Variants in PTPRD observed in about 807,000 individuals in gnomAD.
PTPRD encodes the protein receptor-type tyrosine-protein phosphatase delta.
In PTPRD, 34 loss-of-function variants were observed where a neutral mutation model predicts 214.5. The observed-to-expected ratio is 0.16, with a 90% CI of 0.12 to 0.21. The LOEUF (loss-of-function observed/expected upper bound fraction) is 0.21. PTPRD is among the 10% of genes least tolerant of loss of function. The pLI, the probability that PTPRD is intolerant of heterozygous loss-of-function variation, is 1.00. For missense variants in PTPRD, 2,545 were observed against 2,398.7 expected, an observed-to-expected ratio of 1.06 and a Z score of -1.27; for synonymous variants, 1,128 against 845.7, an observed-to-expected ratio of 1.33 and a Z score of -5.79.
intron 35 of PTPRD, among the ~76,000 whole-genome samples, chr9:8,435,695 C>A: frequency 1.7e-5 from 2 of 118,264 alleles, no homozygotes; most frequent in South Asian, 6.5e-4. Context: ...ACCACAATAT[C>A]CAAATACACA....
chr9:10,132,039 T>C (rs1026697542), intron 3 of PTPRD, among the ~76,000 whole-genome samples: 7 of 152,128 alleles, frequency 4.6e-5, no homozygotes, highest in Admixed American at 1.3e-4. Context: ...GTGATAAAAG[T>C]AGACAATGAT....
chr9:9,308,251 A>G (rs1331203932), intron 9 of PTPRD, among the ~76,000 whole-genome samples: 1 of 152,180 alleles, frequency 6.6e-6, no homozygotes, highest in African/African-American at 2.4e-5. Flanking sequence ...CAGAACTCAT[A>G]TTCATTTTCA....
intron 5 of PTPRD, among the ~76,000 whole-genome samples, chr9:9,893,423 G>A (rs2074022981): frequency 6.6e-6 from 1 of 151,994 alleles, no homozygotes; most frequent in Admixed American, 6.6e-5. Context: ...AAAATAATGA[G>A]ATGGAGGAAC....
At chr9:9,004,372 T>G (rs1251617722) in intron 11 of PTPRD, among the ~76,000 whole-genome samples, 1 of 152,020 alleles carries the variant, frequency 6.6e-6, no homozygotes, top group South Asian at 2.1e-4. Context: ...ATTTCAACCA[T>G]CTCAACACAA....
Position 8,560,985 on chromosome 9 carries a change from T to C in PTPRD, c.353-32206A>G, listed in dbSNP as rs74474171. Among the ~76,000 whole-genome samples, 1,316 of 150,082 alleles carry C rather than the reference T, an allele frequency of 8.8e-3. 19 individuals carry two copies. Among genetic ancestry groups the C allele is most frequent in the African/African-American group, 0.031 (1,258 of 40,932 alleles). On this transcript the variant is annotated intron_variant, in intron 14 of 45. Transcript: ENST00000381196. ...ATGACAGTGAAAGGAGGCAGTCAAA[T>C]GCCTAGTCAGATGGGGCAGGATCCC...
At chr9:8,868,059 G>A (rs2098229584) in intron 11 of PTPRD, among the ~76,000 whole-genome samples, 1 of 152,124 alleles carries the variant, frequency 6.6e-6, no homozygotes, top group Non-Finnish European at 1.5e-5. Flanking sequence ...GTTTGGACTT[G>A]CAAACCCGTA....
chr9:9,455,907 T>C (rs935145218), intron 8 of PTPRD, among the ~76,000 whole-genome samples: 4 of 151,768 alleles, frequency 2.6e-5, no homozygotes, highest in Admixed American at 1.3e-4. Context: ...TTGATTAAGC[T>C]GAAGGTTGTT....
intron 9 of PTPRD, among the ~76,000 whole-genome samples, chr9:9,331,505 C>T (rs2042305231): frequency 6.6e-6 from 1 of 151,878 alleles, no homozygotes; most frequent in African/African-American, 2.4e-5. Flanking sequence ...AAAGATTTCC[C>T]TTAAAAGGAA....
intron 4 of PTPRD, among the ~76,000 whole-genome samples, chr9:9,979,627 T>C (rs1478184252): frequency 6.6e-6 from 1 of 152,116 alleles, no homozygotes; most frequent in Non-Finnish European, 1.5e-5. Flanking sequence ...ACCATAAGAA[T>C]TTTACCTGAA....
chr9:10,510,533 G>A (rs958230328), intron 2 of PTPRD, among the ~76,000 whole-genome samples: 12 of 151,856 alleles, frequency 7.9e-5, no homozygotes, highest in Admixed American at 3.3e-4. Flanking sequence ...TCGGCATATC[G>A]CTTTTTTGTT....
intron 36 of PTPRD, among the ~76,000 whole-genome samples, chr9:8,393,374 G>C (rs1452121729): frequency 6.6e-6 from 1 of 152,182 alleles, no homozygotes; most frequent in Non-Finnish European, 1.5e-5. Flanking sequence ...CATTCTTGGA[G>C]TCAAGGAGAC....
At chr9:8,452,649 G>C (rs1028135273) in intron 33 of PTPRD, among the ~76,000 whole-genome samples, 2 of 152,072 alleles carry the variant, frequency 1.3e-5, no homozygotes, top group East Asian at 1.9e-4. Flanking sequence ...CTTGCAGTGA[G>C]AACTATCTAC....
At chr9:8,583,476 C>A (rs753470814) in intron 14 of PTPRD, among the ~76,000 whole-genome samples, 2 of 151,976 alleles carry the variant, frequency 1.3e-5, no homozygotes, top group South Asian at 2.1e-4. Context: ...CAAGCCACCA[C>A]GCATGGCTGG....
chr9:8,518,901 A>G, intron 20 of PTPRD, among the ~76,000 whole-genome samples: 1 of 152,222 alleles, frequency 6.6e-6, no homozygotes, highest in East Asian at 1.9e-4. Context: ...TACTATTATT[A>G]TACCAAAAGC....
intron 7 of PTPRD, among the ~76,000 whole-genome samples, chr9:9,697,412 T>C (rs2097399221): frequency 6.6e-6 from 1 of 152,166 alleles, no homozygotes; most frequent in Non-Finnish European, 1.5e-5. Flanking sequence ...GGAAAGACTA[T>C]TTCTCCTTCA....
intron 7 of PTPRD, among the ~76,000 whole-genome samples, chr9:9,581,649 C>T (rs1056371866): frequency 1.3e-5 from 2 of 152,086 alleles, no homozygotes; most frequent in Non-Finnish European, 2.9e-5. Flanking sequence ...AAAAAATACC[C>T]CGTGTTTAGG....
chr9:10,092,610 T>A (rs530760282), intron 3 of PTPRD, among the ~76,000 whole-genome samples: 1 of 151,256 alleles, frequency 6.6e-6, no homozygotes, highest in South Asian at 2.1e-4. Context: ...AAAAATGAAA[T>A]TATTCTAAAA....
chr9:9,523,601 A>T (rs2097046963), intron 8 of PTPRD, among the ~76,000 whole-genome samples: 1 of 152,020 alleles, frequency 6.6e-6, no homozygotes, highest in Admixed American at 6.5e-5. Flanking sequence ...CTTTCACTGA[A>T]ACTGCCCTTG....
chr9:9,034,142 T>C (rs1407813333), intron 10 of PTPRD, among the ~76,000 whole-genome samples: 1 of 152,104 alleles, frequency 6.6e-6, no homozygotes, highest in Admixed American at 6.6e-5. Flanking sequence ...CTTAAGTGAG[T>C]ATTGCACAGT....
Sources: gnomAD v4.1 joint callset for allele counts (sites outside exome capture counted in the v4.1 genomes callset) on GRCh38, gnomAD v4.1.1 for gene constraint, MANE v1.5 for transcripts, NCBI Gene and HGNC (gene_info 2026-07-23, HGNC 2026-07-21) for gene names.